The following MYT1L variants were observed in gnomAD, a reference collection of about 807,000 sequenced individuals.
MYT1L encodes the protein myelin transcription factor 1 like.
In MYT1L, 12 loss-of-function variants were observed where a neutral mutation model predicts 126.7. The observed-to-expected ratio is 0.09, with a 90% CI of 0.06 to 0.15. MYT1L has a LOEUF of 0.15. Ranked by LOEUF, MYT1L falls within the 10% of genes least tolerant of loss-of-function variation. MYT1L has a pLI of 1.00. For synonymous variants in MYT1L, 541 were observed against 604.2 expected, an observed-to-expected ratio of 0.90 and a Z score of 1.53; for missense variants, 979 against 1,585.2, an observed-to-expected ratio of 0.62 and a Z score of 6.49.
chr2:1,928,693 C>T (rs954942668), intron 9 of MYT1L, among the ~76,000 whole-genome samples: 3 of 152,040 alleles, frequency 2.0e-5, no homozygotes, highest in Non-Finnish European at 4.4e-5. Flanking sequence ...TTTCAATACT[C>T]TGCATTGATT....
chr2:2,002,002 C>CGT (rs1252502240), intron 4 of MYT1L, among the ~76,000 whole-genome samples: 1 of 152,084 alleles, frequency 6.6e-6, no homozygotes, highest in Non-Finnish European at 1.5e-5. Flanking sequence ...ATCTTGATCC[C>CGT]GTGTGCACAT....
In MYT1L at chr2:1,979,030, A is replaced by G. The variant is rs10519498; in HGVS notation, c.152+135T>C. On this transcript the variant is annotated intron_variant, in intron 8 of 24. Transcript: ENST00000647738. This position sits in a 1 kb window ranked among gnomAD's most constrained non-coding sequence, Gnocchi z 4.0. Reference sequence around the variant, plus strand: ...TTTCAAGAGACAAAGACTGAGTTCCAGTGTGAGAAGAAAAAGAAGGCATAA... The same window carrying G: ...TTTCAAGAGACAAAGACTGAGTTCCGGTGTGAGAAGAAAAAGAAGGCATAA... 1,216 of 694,238 alleles carry G rather than the reference A, an allele frequency of 1.8e-3. 8 individuals carry two copies. In the African/African-American group the frequency reaches 0.019, roughly 11 times the overall value. The allele number at this position is 694,238 out of a possible 1,614,324, so 43.0% of individuals were successfully genotyped here.
Position 1,933,912 on chromosome 2 carries a change from T to C in MYT1L, c.505+9070A>G, listed in dbSNP as rs889299528. On this transcript the variant is annotated intron_variant, in intron 9 of 24. Coordinates refer to ENST00000647738, the MANE Select transcript of MYT1L (RefSeq NM_001303052.2). ...AAACACATTGGTCTAGGGTTTGCCA[T>C]GTTGGCCAGCATGGATGCAGAGGTG... Among the ~76,000 whole-genome samples the C allele has an allele frequency of 2.0e-5, 3 of 151,986 alleles. No individual in the cohort carries two copies. In the South Asian group the frequency reaches 6.2e-4, roughly 32 times the overall value.
At chr2:2,280,382 A>G (rs2095430607) in intron 2 of MYT1L, among the ~76,000 whole-genome samples, 1 of 152,230 alleles carries the variant, frequency 6.6e-6, no homozygotes. Context: ...CATTATCTCC[A>G]GGACAACCAA....
intron 8 of MYT1L, among the ~76,000 whole-genome samples, chr2:1,948,313 G>A (rs898701676): frequency 6.6e-6 from 1 of 152,126 alleles, no homozygotes; most frequent in Non-Finnish European, 1.5e-5. Context: ...AATGTAAAGC[G>A]TGAATACAGT....
chr2:2,099,803 G>A (rs781140589), intron 3 of MYT1L, among the ~76,000 whole-genome samples: 12 of 152,184 alleles, frequency 7.9e-5, no homozygotes, highest in Admixed American at 2.0e-4. Flanking sequence ...TATGAATTCC[G>A]TTATCTTCAC....
At chr2:1,896,271 GT>G (rs1387104164) in intron 14 of MYT1L, among the ~76,000 whole-genome samples, 2 of 152,192 alleles carry the variant, frequency 1.3e-5, no homozygotes, top group African/African-American at 4.8e-5. Context: ...CTGGACAGTA[GT>G]TTGAAGTTTT....
chr2:2,281,973 A>G (rs1219271516), intron 2 of MYT1L, among the ~76,000 whole-genome samples: 1 of 152,234 alleles, frequency 6.6e-6, no homozygotes, highest in Non-Finnish European at 1.5e-5. Flanking sequence ...TCTGGCGTTT[A>G]GTATAACGAA....
chr2:1,858,266 G>T (rs1243758213), intron 18 of MYT1L, among the ~76,000 whole-genome samples: 2 of 152,164 alleles, frequency 1.3e-5, no homozygotes, highest in Non-Finnish European at 2.9e-5. Context: ...GGAGAAAAAG[G>T]CTCGATACCC....
At chr2:1,918,346 T>C (rs576406536) in intron 10 of MYT1L, among the ~76,000 whole-genome samples, 114 of 152,300 alleles carry the variant, frequency 7.5e-4, no homozygotes, top group African/African-American at 2.5e-3. Context: ...TTTTAGCCAG[T>C]TTTTGAAAAC....
chr2:2,037,880 T>C (rs1016304573), intron 4 of MYT1L, among the ~76,000 whole-genome samples: 1 of 152,050 alleles, frequency 6.6e-6, no homozygotes, highest in Non-Finnish European at 1.5e-5. Context: ...TTTTCAAAAC[T>C]ATACATTCAA....
At chr2:1,951,565 G>A (rs755575857) in intron 8 of MYT1L, among the ~76,000 whole-genome samples, 5 of 152,228 alleles carry the variant, frequency 3.3e-5, no homozygotes, top group Non-Finnish European at 5.9e-5. Context: ...CCAGAGCCAC[G>A]TAAATGTTAG....
At position 1,922,566 on chromosome 2, in the gene MYT1L, C is replaced by G; in HGVS notation, c.1203G>C (p.Lys401Asn). 1 of 1,614,040 alleles carries G rather than the reference C, an allele frequency of 6.2e-7. No individual in the cohort carries two copies. Among genetic ancestry groups the G allele is most frequent in the Non-Finnish European group, 8.5e-7 (1 of 1,179,904 alleles). Residue 401 changes from lysine (K) to asparagine (N), a missense_variant, in exon 10 of 25, where the codon AAG becomes AAC. Lys to Asn is a moderately conservative substitution (Grantham distance 94). Coordinates refer to ENST00000647738, the MANE Select transcript of MYT1L (RefSeq NM_001303052.2). The surrounding 1 kb of genome is among the most constrained non-coding windows in gnomAD (Gnocchi z 7.4). The part of the protein sequence containing the change: ...PRSRVFASCA[K>N]EDGCHERDDD... ...CGTCCCGCTCATGACACCCATCCTC[C>G]TTCGCACAGCTGGCAAACACTCTCG...
chr2:1,994,071 T>C (rs944123857), intron 5 of MYT1L, among the ~76,000 whole-genome samples: 4 of 152,244 alleles, frequency 2.6e-5, no homozygotes, highest in Non-Finnish European at 5.9e-5. Context: ...TGTTTTGTTG[T>C]TTTTCTATTT....
chr2:2,183,879 GGA>G (rs370725244), intron 2 of MYT1L, among the ~76,000 whole-genome samples: 2 of 143,494 alleles, frequency 1.4e-5, no homozygotes, highest in South Asian at 4.5e-4. Flanking sequence ...AAGGAAGGAA[GGA>G]GAGAGACAAA....
At position 1,903,212 on chromosome 2, in the gene MYT1L, G is replaced by A. The variant is rs757065051; in HGVS notation, c.1900C>T (p.Leu634=). The change falls in exon 14 of 25, where the codon CTG becomes TTG. Residue 634 remains leucine, a synonymous_variant. Transcript: ENST00000647738. The part of the protein sequence containing the change: ...NVPTTTPRSN[L]AKELEKYSKT... ...GAATATTTCTCGAGCTCCTTGGCCA[G>A]GTTGGAACGCGGCGTAGTTGTGGGG... The A allele has an allele frequency of 1.2e-6, 2 of 1,613,826 alleles. No individual in the cohort carries two copies. The highest frequency in any genetic ancestry group is 1.7e-6 in the Non-Finnish European group (2 of 1,179,884).
At chr2:1,955,432 T>C (rs1645914614) in intron 8 of MYT1L, among the ~76,000 whole-genome samples, 1 of 152,180 alleles carries the variant, frequency 6.6e-6, no homozygotes, top group African/African-American at 2.4e-5. Flanking sequence ...AAATATATTA[T>C]ATGTAAAATA....
At chr2:2,178,183 G>A (rs1292857365) in intron 2 of MYT1L, among the ~76,000 whole-genome samples, 1 of 152,016 alleles carries the variant, frequency 6.6e-6, no homozygotes, top group African/African-American at 2.4e-5. Context: ...TTATCTATTA[G>A]TATTTTCAAA....
intron 8 of MYT1L, among the ~76,000 whole-genome samples, chr2:1,967,952 G>C (rs1207126214): frequency 6.6e-6 from 1 of 152,156 alleles, no homozygotes; most frequent in Non-Finnish European, 1.5e-5. Context: ...AGCTTCCTCG[G>C]GCCCCTGCAC....
Sources: allele counts gnomAD v4.1 joint callset (sites outside exome capture counted in the v4.1 genomes callset), GRCh38; gene constraint gnomAD v4.1.1; non-coding constraint Gnocchi (gnomAD v3.1); transcripts MANE v1.5; gene names NCBI Gene and HGNC (gene_info 2026-07-23, HGNC 2026-07-21).